Variants in CALCRL observed in about 807,000 individuals in gnomAD.
CALCRL encodes the protein calcitonin receptor like receptor.
CALCRL carries 27 observed loss-of-function variants against 60.4 expected under a neutral mutation model. The ratio of observed to expected loss-of-function variants is 0.45; its 90% confidence interval spans 0.33 to 0.62. CALCRL has a LOEUF of 0.62. Ranked by LOEUF, CALCRL falls within the 20% of genes least tolerant of loss-of-function variation. The pLI, the probability that CALCRL is intolerant of heterozygous loss-of-function variation, is 0.03. For synonymous variants in CALCRL, 190 were observed against 182.6 expected, an observed-to-expected ratio of 1.04 and a Z score of -0.33; for missense variants, 424 against 540.7, an observed-to-expected ratio of 0.78 and a Z score of 2.14.
chr2:187,370,746 CTCTG>C (rs1259604703), intron 8 of CALCRL, among the ~76,000 whole-genome samples: 2 of 152,144 alleles, frequency 1.3e-5, no homozygotes, highest in African/African-American at 4.8e-5. Flanking sequence ...TCTTGCACTA[CTCTG>C]TCTGCATTCA....
At chr2:187,363,900 T>C (rs191175887) in intron 8 of CALCRL, among the ~76,000 whole-genome samples, 2 of 152,232 alleles carry the variant, frequency 1.3e-5, no homozygotes, top group African/African-American at 2.4e-5. Context: ...CAGATTCTCA[T>C]GTGGATAACT....
chr2:187,412,114 G>A (rs1326773347), intron 1 of CALCRL, among the ~76,000 whole-genome samples: 1 of 152,054 alleles, frequency 6.6e-6, no homozygotes. Flanking sequence ...CAGGTTTAAT[G>A]GGAGTGAAGT....
rs188444270 is a variant in CALCRL at position 187,433,614 on chromosome 2, C to A, written c.-293+14425G>T. On this transcript the variant is annotated intron_variant, in intron 1 of 14. Transcript: ENST00000392370. Reference sequence around the variant, plus strand: ...GAAAGAGCTAATTTTGTTCAAGTAGCAAAACTGGCTGAAATGGTTGGACAA... The same window carrying A: ...GAAAGAGCTAATTTTGTTCAAGTAGAAAAACTGGCTGAAATGGTTGGACAA... Among the ~76,000 whole-genome samples, 19 of 151,960 alleles carry A rather than the reference C, an allele frequency of 1.3e-4. No homozygotes were observed. In the East Asian group the frequency reaches 2.3e-3, roughly 19 times the overall value.
intron 1 of CALCRL, among the ~76,000 whole-genome samples, chr2:187,418,992 G>A (rs1315232784): frequency 4.0e-5 from 6 of 148,474 alleles, no homozygotes; most frequent in Non-Finnish European, 8.9e-5. Flanking sequence ...AAGTAGGTGG[G>A]ATTACAGGCA....
chr2:187,378,581 A>G (rs926531821), intron 8 of CALCRL, among the ~76,000 whole-genome samples: 2 of 152,172 alleles, frequency 1.3e-5, no homozygotes, highest in Non-Finnish European at 2.9e-5. Context: ...GGTTTCTAAA[A>G]TGGACACTTA....
chr2:187,387,898 G>A, intron 1 of CALCRL, 142 bp from the exon 2 acceptor site: 1 of 356,788 alleles, frequency 2.8e-6, no homozygotes, highest in East Asian at 4.1e-5. Context: ...AGCCTCTTTT[G>A]CTTACAATAT....
intron 9 of CALCRL, among the ~76,000 whole-genome samples, chr2:187,362,056 G>C (rs893110315): frequency 6.6e-6 from 1 of 151,334 alleles, no homozygotes; most frequent in Non-Finnish European, 1.5e-5. Flanking sequence ...TATTTAATTC[G>C]GCTTCTAATT....
At chr2:187,382,394 A>G (rs959351659) in intron 5 of CALCRL, among the ~76,000 whole-genome samples, 1 of 152,212 alleles carries the variant, frequency 6.6e-6, no homozygotes, top group African/African-American at 2.4e-5. Context: ...TTACAAAGAT[A>G]TTCCTATTGT....
At chr2:187,407,887 A>G (rs1689202575) in intron 1 of CALCRL, among the ~76,000 whole-genome samples, 1 of 152,128 alleles carries the variant, frequency 6.6e-6, no homozygotes, top group Non-Finnish European at 1.5e-5. Flanking sequence ...AACAGGTGTG[A>G]TTCTAAGACT....
chr2:187,388,099 A>T (rs1002572717), intron 1 of CALCRL, among the ~76,000 whole-genome samples: 2 of 151,948 alleles, frequency 1.3e-5, no homozygotes, highest in Non-Finnish European at 2.9e-5. Flanking sequence ...TTTTCATAGA[A>T]TTACTAAAAT....
At chr2:187,347,524 AT>A (rs1324047621) in intron 14 of CALCRL, among the ~76,000 whole-genome samples, 1 of 151,840 alleles carries the variant, frequency 6.6e-6, no homozygotes, top group Admixed American at 6.6e-5. Flanking sequence ...CTTATATAGA[AT>A]TCCTCAACTT....
chr2:187,433,307 A>G (rs547424857), intron 1 of CALCRL, among the ~76,000 whole-genome samples: 1 of 152,214 alleles, frequency 6.6e-6, no homozygotes, highest in South Asian at 2.1e-4. Context: ...ATGCTATGAA[A>G]GAATCTTTCC....
chr2:187,406,978 T>C (rs1314940319), intron 1 of CALCRL, among the ~76,000 whole-genome samples: 1 of 152,086 alleles, frequency 6.6e-6, no homozygotes, highest in Non-Finnish European at 1.5e-5. Flanking sequence ...AAAAACCTTA[T>C]TTGAACTCAT....
At chr2:187,379,556 T>TGTCTGCA (rs1687906144) in intron 7 of CALCRL, among the ~76,000 whole-genome samples, 1 of 152,170 alleles carries the variant, frequency 6.6e-6, no homozygotes, top group Non-Finnish European at 1.5e-5. Context: ...TTTTCACTTT[T>TGTCTGCA]TTATTTTTAT....
rs1687025657 is a variant in CALCRL at position 187,360,849 on chromosome 2, TAC to T, written c.628-100_628-99del. Reference sequence around the variant, plus strand: ...TCAGGAAACATGGAACATTCTCCCCTACACACAAAATCCTATACATTAATGAT... The same window carrying T: ...TCAGGAAACATGGAACATTCTCCCCTACACAAAATCCTATACATTAATGAT... On this transcript the variant is annotated intron_variant, in intron 9 of 14. Coordinates refer to ENST00000392370, the MANE Select transcript of CALCRL (RefSeq NM_005795.6). 3 of 1,104,686 alleles carry T rather than the reference TAC, an allele frequency of 2.7e-6. No homozygotes were observed. In the East Asian group the frequency reaches 7.6e-5, roughly 28 times the overall value. 68.4% of individuals were successfully genotyped at this position (1,104,686 alleles called of 1,614,324 possible).
chr2:187,385,349 C>A (rs377557990), intron 4 of CALCRL, among the ~76,000 whole-genome samples, 196 bp downstream of exon 4: 50 of 151,914 alleles, frequency 3.3e-4, no homozygotes, highest in African/African-American at 1.1e-3. Context: ...CCATTCTGAT[C>A]CCCTCCAATT....
chr2:187,388,490 T>C (rs2105796444), intron 1 of CALCRL, among the ~76,000 whole-genome samples: 1 of 152,226 alleles, frequency 6.6e-6, no homozygotes, highest in East Asian at 1.9e-4. Context: ...GGAAATGTGA[T>C]AGGGAATGAT....
In CALCRL at chr2:187,359,162, T is replaced by G. The variant is rs3815523; in HGVS notation, c.843-33A>C. On this transcript the variant is annotated intron_variant, in intron 11 of 14. Transcript: ENST00000392370. ...AAACATAATAACATTATGTTGAAAA[T>G]TTTTATTTTACATTATTCCAGTAGA... is the stretch of plus-strand genomic sequence containing the variant. 1,768 of 1,603,992 alleles carry G rather than the reference T, an allele frequency of 1.1e-3. 27 individuals are homozygous for G. The East Asian group carries it at 0.033, about 30-fold the overall frequency.
At chr2:187,379,260 A>AT (rs1188396132) in intron 7 of CALCRL, among the ~76,000 whole-genome samples, 1 of 151,984 alleles carries the variant, frequency 6.6e-6, no homozygotes, top group Non-Finnish European at 1.5e-5. Context: ...ATGCCTTTTT[A>AT]TTTTTTTAAT....
Sources: gnomAD v4.1 joint callset for allele counts (sites outside exome capture counted in the v4.1 genomes callset) on GRCh38, gnomAD v4.1.1 for gene constraint, MANE v1.5 for transcripts, NCBI Gene and HGNC (gene_info 2026-07-23, HGNC 2026-07-21) for gene names.